Variants in ATP13A3 observed in about 807,000 individuals in gnomAD.
ATP13A3 encodes ATPase 13A3.
ATP13A3 carries 59 observed loss-of-function variants against 158.1 expected under a neutral mutation model. That is an observed-to-expected ratio of 0.37 (90% CI 0.30 to 0.46). The LOEUF (loss-of-function observed/expected upper bound fraction) is 0.46, where lower values mean the gene tolerates loss of function less well. Ranked by LOEUF, ATP13A3 falls within the 20% of genes least tolerant of loss-of-function variation. The pLI, the probability that ATP13A3 is intolerant of heterozygous loss-of-function variation, is 1.00. For synonymous variants in ATP13A3, 491 were observed against 504.3 expected (o/e 0.97, Z 0.35); for missense variants, 1,166 against 1,525.2 (o/e 0.76, Z 3.92).
At chr3:194,456,567 T>C (rs568829447) in intron 7 of ATP13A3, among the ~76,000 whole-genome samples, 2 of 152,226 alleles carry the variant, frequency 1.3e-5, no homozygotes, top group South Asian at 4.1e-4. Context: ...TTATTGAATT[T>C]CAAAGTGGCA....
rs1271363608 is a variant in ATP13A3, at chr3:194,494,310, A to AT, written n.516-31dup. 1 of 398,364 alleles carries AT rather than the reference A, an allele frequency of 2.5e-6. No homozygotes were observed. The highest frequency in any genetic ancestry group is 2.1e-5 in the African/African-American group (1 of 48,578). The allele number at this position is 398,364 out of a possible 1,614,324, so 24.7% of individuals were successfully genotyped here. A position where few individuals can be genotyped will look rare whatever the true frequency, so the allele number is the denominator to read the frequency against. Reference sequence around the variant, plus strand: ...GTAAGTGGAGAACAAGTTAACATTGATTTTCACAACCACGATGTCAGACTA... The same window carrying AT: ...GTAAGTGGAGAACAAGTTAACATTGATTTTTCACAACCACGATGTCAGACTA... On this transcript the variant is annotated intron_variant and non_coding_transcript_variant, in intron 1 of 32. Coordinates refer to the ATP13A3 transcript ENST00000687055. The surrounding 1 kb of genome is among the most constrained non-coding windows in gnomAD (Gnocchi z 4.2).
rs531003211 is a variant in ATP13A3, at chr3:194,448,481, C to T, written c.1126G>A (p.Val376Ile). The change falls in exon 12 of 34, where the codon GTC (valine) becomes ATC (isoleucine). Residue 376 changes from valine to isoleucine, a missense_variant. Coordinates refer to ENST00000645319, the MANE Select transcript of ATP13A3 (RefSeq NM_001367549.1). The surrounding 1 kb of genome is among the most constrained non-coding windows in gnomAD (Gnocchi z 4.0). ...CCTGTTCTAACAACTATGGCTTTGACGAGTTCTCCAGTGTAGAAACGAGTC... is the reference window on the plus strand; with the variant it reads ...CCTGTTCTAACAACTATGGCTTTGATGAGTTCTCCAGTGTAGAAACGAGTC... Reference protein sequence around the residue: ...IQTRFYTGELVKAIVVRTGFS... With the variant: ...IQTRFYTGELIKAIVVRTGFS... 2.7e-5 allele frequency: 43 copies of T among 1,614,018 alleles called. No individual in the cohort carries two copies. In the South Asian group the frequency reaches 4.0e-4, roughly 15 times the overall value.
intron 21 of ATP13A3, 153 bp from the exon 22 acceptor site, chr3:194,432,045 A>G (rs1560084005): frequency 1.7e-6 from 1 of 594,710 alleles, no homozygotes; most frequent in African/African-American, 1.9e-5. Flanking sequence ...TAAAAATAAC[A>G]AAATTGGAGC....
chr3:194,431,645 C>T (rs1717228525), intron 22 of ATP13A3, 72 bp downstream of exon 22: 1 of 1,378,194 alleles, frequency 7.3e-7, no homozygotes, highest in Non-Finnish European at 9.6e-7. Context: ...TTTTAATGCA[C>T]CACTTTTTTT....
At chr3:194,483,161 G>T (rs540510114) in intron 2 of ATP13A3, among the ~76,000 whole-genome samples, 1 of 151,010 alleles carries the variant, frequency 6.6e-6, no homozygotes, top group Non-Finnish European at 1.5e-5. Flanking sequence ...GCACACACCC[G>T]TTGTCCCAAC....
rs778876680 is a variant in ATP13A3, at chr3:194,406,073, A to C, written c.3617T>G (p.Leu1206Arg). The change falls in exon 34 of 34, where the codon CTG becomes CGG. Residue 1206 changes from leucine to arginine, a missense_variant. Coordinates refer to ENST00000645319, the MANE Select transcript of ATP13A3 (RefSeq NM_001367549.1). ...CTTTGGTGTCTTCTTTCTACAGCCCAGGGCCCAGGGTAAGCAGCATTTTCC... is the reference window on the plus strand; with the variant it reads ...CTTTGGTGTCTTCTTTCTACAGCCCCGGGCCCAGGGTAAGCAGCATTTTCC... Reference protein sequence around the residue: ...RWGKCCLPWALGCRKKTPKAK... With the variant: ...RWGKCCLPWARGCRKKTPKAK... 1.2e-6 allele frequency: 2 copies of C among 1,614,036 alleles called. No homozygotes were observed. The highest frequency in any genetic ancestry group is 1.7e-6 in the Non-Finnish European group (2 of 1,180,016).
At position 194,454,809 on chromosome 3, in the gene ATP13A3, G is replaced by C. The variant is rs184904216; in HGVS notation, c.631-417C>G. ...GCGCCACTGCAGCCTGGGAGACAGA[G>C]CGAGACTCCGTCTCAAAAAAAAAAA... is the stretch of plus-strand genomic sequence containing the variant. On this transcript the variant is annotated intron_variant, in intron 8 of 33. Transcript: ENST00000645319. 2.8e-3 allele frequency among the ~76,000 whole-genome samples: 416 copies of C among 149,494 alleles called. 1 individual carries two copies. The highest frequency in any genetic ancestry group is 9.8e-3 in the African/African-American group (399 of 40,542).
At chr3:194,408,935 C>T (rs1715151999) in intron 33 of ATP13A3, among the ~76,000 whole-genome samples, 1 of 152,118 alleles carries the variant, frequency 6.6e-6, no homozygotes, top group South Asian at 2.1e-4. Context: ...TACTGTGTAA[C>T]ACAAAGGCCA....
chr3:194,444,919 T>TAAAA (rs1266023647), intron 14 of ATP13A3, 133 bp from the exon 15 acceptor site: 2 of 620,662 alleles, frequency 3.2e-6, no homozygotes, highest in South Asian at 2.9e-5. Context: ...TCTACAGAGT[T>TAAAA]AAAAAAAGAA....
At chr3:194,470,708 T>C (rs1720262258) in intron 2 of ATP13A3, among the ~76,000 whole-genome samples, 1 of 152,254 alleles carries the variant, frequency 6.6e-6, no homozygotes, top group Admixed American at 6.5e-5. Flanking sequence ...CTTAAAACTT[T>C]CATACTTTCC....
upstream of ATP13A3, among the ~76,000 whole-genome samples, chr3:194,491,525 T>C (rs535973632): frequency 7.0e-4 from 79 of 112,652 alleles, no homozygotes; most frequent in Middle Eastern, 5.7e-3. Context: ...ACCTGGCATG[T>C]CCCCTCCACT....
At chr3:194,425,273 AATT>A in intron 30 of ATP13A3, 66 bp downstream of exon 30, 1 of 1,357,792 alleles carries the variant, frequency 7.4e-7, no homozygotes, top group South Asian at 1.3e-5. Context: ...AGACAGTTAT[AATT>A]ATTCTCTTCT....
intron 30 of ATP13A3, among the ~76,000 whole-genome samples, chr3:194,422,392 CTG>C (rs964719534): frequency 3.3e-5 from 5 of 152,192 alleles, no homozygotes; most frequent in Non-Finnish European, 7.3e-5. Context: ...TCAAAACAAA[CTG>C]TGTGTCACTG....
intron 2 of ATP13A3, among the ~76,000 whole-genome samples, chr3:194,464,127 C>A (rs570212756): frequency 6.6e-6 from 1 of 152,340 alleles, no homozygotes; most frequent in South Asian, 2.1e-4. Flanking sequence ...CCTCACTGCA[C>A]TCCAGCCTGG....
chr3:194,481,853 T>G (rs1413065074), intron 2 of ATP13A3, among the ~76,000 whole-genome samples: 1 of 152,152 alleles, frequency 6.6e-6, no homozygotes. Context: ...AAAACCAAGA[T>G]CCACAGGGAG....
In ATP13A3 at chr3:194,404,685, A is replaced by G. The variant is rs1170127860; in HGVS notation, c.*1234T>C. The G allele has an allele frequency of 6.6e-6, 1 of 152,240 alleles. No individual in the cohort carries two copies. Among genetic ancestry groups the G allele is most frequent in the East Asian group, 1.9e-4 (1 of 5,208 alleles). The allele number at this position is 152,240 out of a possible 1,614,324, so 9.4% of individuals were successfully genotyped here. ...GTTAATCAGGCCAAACAGAAAGGTG[A>G]AAAATGTTTCTCCACATCTCTTTTG... On this transcript the variant is annotated 3_prime_UTR_variant, in exon 34 of 34. Transcript: ENST00000645319.
Position 194,448,280 on chromosome 3 carries a change from A to G in ATP13A3, c.1150+177T>C, listed in dbSNP as rs760702711. Among the ~76,000 whole-genome samples the G allele has an allele frequency of 3.7e-4, 56 of 152,260 alleles. No homozygotes were observed. The highest frequency in any genetic ancestry group is 6.8e-4 in the Non-Finnish European group (46 of 68,000). On this transcript the variant is annotated intron_variant, in intron 12 of 33. Transcript: ENST00000645319. The surrounding 1 kb of genome is among the most constrained non-coding windows in gnomAD (Gnocchi z 4.0). ...ATTTTGGTAGAGACGGGGTTTCACC[A>G]TGTTAGCCAGGATGGTCTCAATCTC...
At chr3:194,439,088 A>T (rs541783948) in intron 16 of ATP13A3, 116 bp from the exon 17 acceptor site, 124 of 571,548 alleles carry the variant, frequency 2.2e-4, no homozygotes, top group South Asian at 7.7e-4. Flanking sequence ...TTCAATAATT[A>T]AAAAAAATGT....
chr3:194,444,808 AT>A, intron 14 of ATP13A3, 22 bp from the exon 15 acceptor site: 3 of 1,577,974 alleles, frequency 1.9e-6, no homozygotes, highest in Non-Finnish European at 2.6e-6. Flanking sequence ...AAAAGCACAC[AT>A]GCACAAAGTA....
Sources: gnomAD v4.1 joint callset for allele counts (sites outside exome capture counted in the v4.1 genomes callset) on GRCh38, gnomAD v4.1.1 for gene constraint, Gnocchi (gnomAD v3.1) non-coding constraint, MANE v1.5 for transcripts, NCBI Gene and HGNC (gene_info 2026-07-23, HGNC 2026-07-21) for gene names.